Variants in SPAG17 observed in about 807,000 individuals in gnomAD.
SPAG17 encodes the protein sperm-associated antigen 17.
In SPAG17, 169 loss-of-function variants were observed where a neutral mutation model predicts 273.6. The observed-to-expected ratio is 0.62, with a 90% CI of 0.55 to 0.70. The LOEUF (loss-of-function observed/expected upper bound fraction) is 0.70. Ranked by LOEUF, SPAG17 falls within the 30% of genes least tolerant of loss-of-function variation. SPAG17 has a pLI of 0.00. For missense variants in SPAG17, 2,557 were observed against 2,627.8 expected (o/e 0.97, Z 0.59); for synonymous variants, 825 against 873.2 (o/e 0.94, Z 0.97).
chr1:118,180,460 T>C (rs1023415177), intron 1 of SPAG17, among the ~76,000 whole-genome samples: 2 of 152,030 alleles, frequency 1.3e-5, no homozygotes, highest in South Asian at 2.1e-4. Context: ...AGCCAGGGCA[T>C]AGAGTTTGCT....
chr1:118,181,650 A>G (rs892222677), intron 1 of SPAG17, among the ~76,000 whole-genome samples: 1 of 152,184 alleles, frequency 6.6e-6, no homozygotes, highest in African/African-American at 2.4e-5. Flanking sequence ...GACAGCTATT[A>G]TTAAAAAATC....
At chr1:118,173,266 C>T (rs1660502604) in intron 1 of SPAG17, among the ~76,000 whole-genome samples, 1 of 152,140 alleles carries the variant, frequency 6.6e-6, no homozygotes, top group African/African-American at 2.4e-5. Flanking sequence ...TTTACTCTCC[C>T]TTGCTTCATG....
rs982562781 is a variant in SPAG17, at chr1:118,055,904, C to T, written c.2551G>A (p.Glu851Lys). 4 of 1,603,882 alleles carry T rather than the reference C, an allele frequency of 2.5e-6. No homozygotes were observed. The highest frequency in any genetic ancestry group is 1.3e-5 in the African/African-American group (1 of 74,326). ...HSNVGFRNYL[E>K]LVAKSIQDWI... ...TCTTGAATAGATTTTGCAACAAGTT[C>T]CAAATAATTCCTAAACAAACCAATA... The change falls in exon 19 of 49, where the codon GAA becomes AAA. Residue 851 changes from glutamate to lysine, a missense_variant. Glu to Lys is a moderately conservative substitution (Grantham distance 56). Transcript: ENST00000336338.
intron 3 of SPAG17, among the ~76,000 whole-genome samples, chr1:118,116,609 C>G (rs1285124290): frequency 6.6e-6 from 1 of 152,062 alleles, no homozygotes; most frequent in Non-Finnish European, 1.5e-5. Context: ...GGGAAATAGC[C>G]GGAAGAAAGG....
intron 15 of SPAG17, among the ~76,000 whole-genome samples, chr1:118,074,802 C>A (rs115105254): frequency 6.6e-6 from 1 of 152,242 alleles, no homozygotes; most frequent in Non-Finnish European, 1.5e-5. Context: ...TTATACTAAG[C>A]TCTTTGAAAA....
At chr1:117,973,685 CTTATT>C in intron 43 of SPAG17, 124 bp from the exon 44 acceptor site, 1 of 839,236 alleles carries the variant, frequency 1.2e-6, no homozygotes, top group East Asian at 3.0e-5. Context: ...TTTCAAAGAG[CTTATT>C]TATTTATTTT....
intron 3 of SPAG17, among the ~76,000 whole-genome samples, chr1:118,143,654 T>C (rs1476162878): frequency 6.6e-6 from 1 of 152,232 alleles, no homozygotes; most frequent in Non-Finnish European, 1.5e-5. Context: ...ATTATCACCA[T>C]ATGTAATTAT....
rs181527747 is a variant in SPAG17 at position 118,162,449 on chromosome 1, A to T, written c.88-11080T>A. ...CTAATATTTACTGAGGGGTTACAAA[A>T]ATTGAAATGGGCATGGCATTGGGAA... On this transcript the variant is annotated intron_variant, in intron 1 of 48. Coordinates refer to ENST00000336338, the MANE Select transcript of SPAG17 (RefSeq NM_206996.4). 3.9e-5 allele frequency among the ~76,000 whole-genome samples: 6 copies of T among 152,290 alleles called. No homozygotes were observed. The East Asian group carries it at 1.2e-3, about 29-fold the overall frequency.
chr1:117,990,786 G>T, intron 38 of SPAG17, 75 bp downstream of exon 38: 1 of 925,680 alleles, frequency 1.1e-6, no homozygotes, highest in South Asian at 1.6e-5. Flanking sequence ...ATAAGAGAAT[G>T]ACCGATAAGT....
chr1:118,027,198 T>G (rs1257466673), intron 26 of SPAG17, among the ~76,000 whole-genome samples: 1 of 152,124 alleles, frequency 6.6e-6, no homozygotes, highest in East Asian at 1.9e-4. Context: ...AGTGAAGACA[T>G]GCAGCACAGT....
chr1:118,099,121 C>T (rs1558012130), intron 6 of SPAG17, among the ~76,000 whole-genome samples: 1 of 152,116 alleles, frequency 6.6e-6, no homozygotes, highest in Non-Finnish European at 1.5e-5. Flanking sequence ...ATGATTGGAA[C>T]TTCATCCCAC....
rs562943737 is a variant in SPAG17, at chr1:118,081,266, C to T, written c.2044G>A (p.Val682Met). 7 of 1,614,086 alleles carry T rather than the reference C, an allele frequency of 4.3e-6. No homozygotes were observed. The East Asian group carries it at 8.9e-5, about 21-fold the overall frequency. Residue 682 changes from valine to methionine, a missense_variant, in exon 15 of 49, where the codon GTG (valine) becomes ATG (methionine). Val to Met is a conservative substitution (Grantham distance 21, BLOSUM62 1). Transcript: ENST00000336338. ...TCTCGGTTGCTTTCATTATCTTGCA[C>T]AGACATTGACAAATTCTGATCCACA... ...LFVDQNLSMSVQDNESNREPS... is the reference protein window; with the variant it reads ...LFVDQNLSMSMQDNESNREPS...
chr1:117,980,590 C>T (rs1425644282), intron 43 of SPAG17, among the ~76,000 whole-genome samples: 1 of 152,158 alleles, frequency 6.6e-6, no homozygotes, highest in Non-Finnish European at 1.5e-5. Context: ...TAAGAGATAA[C>T]TGAAACCCAT....
At chr1:118,123,778 AGACTACAT>A (rs1476115979) in intron 3 of SPAG17, among the ~76,000 whole-genome samples, 2 of 152,240 alleles carry the variant, frequency 1.3e-5, no homozygotes, top group Admixed American at 1.3e-4. Context: ...ACCCCTTTCA[AGACTACAT>A]AAAAGTTGGT....
Position 118,054,005 on chromosome 1 carries a change from G to C in SPAG17, c.2811C>G (p.Leu937=). The change falls in exon 20 of 49, where the codon CTC becomes CTG. Residue 937 remains leucine (L), a synonymous_variant. Coordinates refer to ENST00000336338, the MANE Select transcript of SPAG17 (RefSeq NM_206996.4). ...AACTTTATGTAAGCTGGATTACCTTGAGAGAGCCTTCTAAAATGAAAGGAA... is the reference window on the plus strand; with the variant it reads ...AACTTTATGTAAGCTGGATTACCTTCAGAGAGCCTTCTAAAATGAAAGGAA... ...EKIPFILEGS[L]KAWKEEQHRL... 1 of 1,603,620 alleles carries C rather than the reference G, an allele frequency of 6.2e-7. No individual in the cohort carries two copies. The highest frequency in any genetic ancestry group is 8.5e-7 in the Non-Finnish European group (1 of 1,172,742).
chr1:118,077,175 A>G (rs1253816656), intron 15 of SPAG17, among the ~76,000 whole-genome samples: 1 of 152,206 alleles, frequency 6.6e-6, no homozygotes, highest in African/African-American at 2.4e-5. Context: ...GCTTTGAAGT[A>G]AGTATGATTC....
At chr1:118,035,554 T>C (rs939336478) in intron 24 of SPAG17, among the ~76,000 whole-genome samples, 1 of 152,106 alleles carries the variant, frequency 6.6e-6, no homozygotes. Flanking sequence ...GCAAAAATAC[T>C]AAGAAATCTA....
chr1:118,120,517 C>A (rs1019545798), intron 3 of SPAG17, among the ~76,000 whole-genome samples: 1 of 152,132 alleles, frequency 6.6e-6, no homozygotes, highest in African/African-American at 2.4e-5. Flanking sequence ...CCATCCTTGG[C>A]AAATTTTATT....
Position 118,025,341 on chromosome 1 carries a change from T to C in SPAG17, c.3806A>G (p.Tyr1269Cys). 3.1e-6 allele frequency: 5 copies of C among 1,613,524 alleles called. No homozygotes were observed. The highest frequency in any genetic ancestry group is 2.2e-5 in the South Asian group (2 of 90,994). ...RQSYPQRVKH[Y>C]EFYKTVMPPA... ...TGGCATCACCGTTTTATAGAACTCA[T>C]AGTGCTTCACCCTCTGGGGGTAGCT... Residue 1269 changes from tyrosine to cysteine, a missense_variant, in exon 27 of 49, where the codon TAT becomes TGT. Physicochemically the swap from Tyr to Cys is radical, Grantham distance 194 (BLOSUM62 -2). Transcript: ENST00000336338.
Sources: allele counts gnomAD v4.1 joint callset (sites outside exome capture counted in the v4.1 genomes callset), GRCh38; gene constraint gnomAD v4.1.1; transcripts MANE v1.5; gene names NCBI Gene and HGNC (gene_info 2026-07-23, HGNC 2026-07-21).